Variants in ANKRD17 observed in about 807,000 individuals in gnomAD.
ANKRD17 encodes the protein ankyrin repeat domain 17, also known as ankyrin repeat domain-containing protein 17.
Under a neutral mutation model 229.7 loss-of-function variants are expected in ANKRD17, and 19 were observed. That is an observed-to-expected ratio of 0.08 (90% CI 0.06 to 0.12). ANKRD17 has a LOEUF of 0.12. Among genes scored for constraint, ANKRD17 ranks in the 10% least tolerant of loss-of-function variants. The probability of loss-of-function intolerance (pLI) is 1.00; values close to 1 mark genes in which losing one functional copy is unlikely to be tolerated. For missense variants in ANKRD17, 2,176 were observed against 3,176.8 expected, an observed-to-expected ratio of 0.68 and a Z score of 7.57; for synonymous variants, 1,112 against 1,146.1, an observed-to-expected ratio of 0.97 and a Z score of 0.60.
chr4:73,120,331 G>A lies in ANKRD17; in HGVS notation c.3856C>T (p.Leu1286Phe). The change falls in exon 21 of 34, where the codon CTC (leucine) becomes TTC (phenylalanine). Residue 1286 changes from leucine to phenylalanine, a missense_variant. Transcript: ENST00000358602. ...GAGGCAGCTTCCATTAGTGGTGTGA[G>A]ACCAGTCTAAGTTTAGTGTAAAATT... ...ANVEHRAKTG[L>F]TPLMEAASGG... is the part of the protein sequence containing the mutation. The A allele has an allele frequency of 6.2e-7, 1 of 1,613,874 alleles. No individual in the cohort carries two copies. Among genetic ancestry groups the A allele is most frequent in the Non-Finnish European group, 8.5e-7 (1 of 1,179,914 alleles).
intron 19 of ANKRD17, 28 bp from the exon 20 acceptor site, chr4:73,121,122 A>G: frequency 1.3e-6 from 2 of 1,545,144 alleles, no homozygotes; most frequent in East Asian, 2.2e-5. Flanking sequence ...GGGAAAACAA[A>G]TGGAAAAATA....
intron 1 of ANKRD17, among the ~76,000 whole-genome samples, chr4:73,203,348 A>G (rs1005818620): frequency 2.6e-5 from 4 of 152,252 alleles, no homozygotes; most frequent in African/African-American, 9.6e-5. Context: ...ATAAAGAGAA[A>G]AACAGCTGAA....
chr4:73,126,189 G>A (rs1225682367), intron 16 of ANKRD17, among the ~76,000 whole-genome samples: 5 of 152,104 alleles, frequency 3.3e-5, no homozygotes, highest in South Asian at 2.1e-4. Context: ...CTGCAGAAAG[G>A]GTACTCTGGA....
rs1354836230 is a variant in ANKRD17, at chr4:73,146,856, T to C, written c.1777A>G (p.Thr593Ala). ...AGTGCTGTATCCCCTGTTGCTGTTG[T>C]TGCATGAACGTTAGCTCCTGTAGTA... ...LLAAGANVHA[T>A]TATGDTALTY... The change falls in exon 10 of 34, where the codon ACA (threonine) becomes GCA (alanine). Residue 593 changes from threonine (T) to alanine (A), a missense_variant. Around this residue, in one of 18 missense-constraint regions of ANKRD17, gnomAD observed 275 missense variants for 386.9 expected, o/e 0.71. Coordinates refer to ENST00000358602, the MANE Select transcript of ANKRD17 (RefSeq NM_032217.5). 6.2e-7 allele frequency: 1 copy of C among 1,612,500 alleles called. No homozygotes were observed. Among genetic ancestry groups the C allele is most frequent in the African/African-American group, 1.3e-5 (1 of 75,004 alleles).
chr4:73,118,613 T>TA, intron 22 of ANKRD17, 75 bp downstream of exon 22: 1 of 1,531,252 alleles, frequency 6.5e-7, no homozygotes, highest in Non-Finnish European at 8.9e-7. Context: ...AATGAGTCTT[T>TA]AGTGATCACT....
intron 27 of ANKRD17, among the ~76,000 whole-genome samples, chr4:73,095,766 T>C (rs1286350756): frequency 6.6e-6 from 1 of 152,102 alleles, no homozygotes; most frequent in Non-Finnish European, 1.5e-5. Context: ...CATAGCTCAC[T>C]GCAGCCTCAA....
At chr4:73,222,787 C>T (rs550901458) in intron 1 of ANKRD17, among the ~76,000 whole-genome samples, 2 of 152,242 alleles carry the variant, frequency 1.3e-5, no homozygotes, top group African/African-American at 2.4e-5. Context: ...TAATTATAGA[C>T]GTCTATAGTA....
intron 1 of ANKRD17, among the ~76,000 whole-genome samples, chr4:73,233,720 T>C (rs1743266591): frequency 6.6e-6 from 1 of 152,184 alleles, no homozygotes; most frequent in African/African-American, 2.4e-5. Flanking sequence ...TTTCCCAGTA[T>C]AGAAAATGCA....
chr4:73,233,499 C>T (rs544766092), intron 1 of ANKRD17, among the ~76,000 whole-genome samples: 122 of 152,270 alleles, frequency 8.0e-4, no homozygotes, highest in African/African-American at 2.7e-3. Context: ...GACATTACTA[C>T]TTGAAGAAAT....
At chr4:73,194,528 T>C (rs544868499) in intron 1 of ANKRD17, among the ~76,000 whole-genome samples, 81 of 152,328 alleles carry the variant, frequency 5.3e-4, no homozygotes, top group Non-Finnish European at 9.7e-4. Flanking sequence ...TATAGGGCCT[T>C]TTCTATATAG....
intron 25 of ANKRD17, chr4:73,101,158 T>C: frequency 1.1e-6 from 1 of 918,056 alleles, no homozygotes; most frequent in Non-Finnish European, 1.3e-6. Context: ...TCCGTGAGGG[T>C]CCTGGAAACC....
intron 25 of ANKRD17, chr4:73,101,258 T>C: frequency 1.0e-6 from 1 of 958,780 alleles, no homozygotes; most frequent in Non-Finnish European, 1.2e-6. Context: ...ATTCCTTCAT[T>C]TGAAGAAATC....
chr4:73,140,369 T>C (rs1253256772), intron 14 of ANKRD17, 86 bp from the exon 15 acceptor site: 5 of 1,374,748 alleles, frequency 3.6e-6, no homozygotes, highest in Middle Eastern at 2.3e-4. Flanking sequence ...GTGCCAACAG[T>C]TATGCACTAA....
intron 6 of ANKRD17, among the ~76,000 whole-genome samples, chr4:73,153,400 G>A (rs1731257195): frequency 6.6e-6 from 1 of 152,028 alleles, no homozygotes; most frequent in East Asian, 1.9e-4. Flanking sequence ...CATACATGTG[G>A]AGTCTAAAAA....
chr4:73,226,581 G>T (rs1210379517), intron 1 of ANKRD17, among the ~76,000 whole-genome samples: 3 of 151,080 alleles, frequency 2.0e-5, no homozygotes, highest in African/African-American at 7.3e-5. Flanking sequence ...TTTTAGTAGA[G>T]ACGGGGTTTC....
At chr4:73,234,019 T>C (rs1370053059) in intron 1 of ANKRD17, among the ~76,000 whole-genome samples, 1 of 152,188 alleles carries the variant, frequency 6.6e-6, no homozygotes, top group Non-Finnish European at 1.5e-5. Context: ...CAGGAAATTT[T>C]CTTCAATTAT....
At chr4:73,206,340 A>T (rs555090303) in intron 1 of ANKRD17, among the ~76,000 whole-genome samples, 1 of 152,048 alleles carries the variant, frequency 6.6e-6, no homozygotes, top group South Asian at 2.1e-4. Flanking sequence ...AATAAACCGG[A>T]GTATCCATCA....
In ANKRD17 at chr4:73,258,603, C is replaced by A. The variant is rs1199992661; in HGVS notation, c.66G>T (p.Ala22=). 1 of 1,477,074 alleles carries A rather than the reference C, an allele frequency of 6.8e-7. No individual in the cohort carries two copies. The highest frequency in any genetic ancestry group is 2.8e-5 in the East Asian group (1 of 36,110). 91.5% of individuals were successfully genotyped at this position (1,477,074 alleles called of 1,614,324 possible). A position where few individuals can be genotyped will look rare whatever the true frequency, so the allele number is the denominator to read the frequency against. ...CGGGGGGGCCCGCCACAGCCGCCAC[C>A]GCCGGGGGGCTCCCTTCTCCTTCTG... is the stretch of plus-strand genomic sequence containing the variant. ...TAAEGEGSPP[A]VAAVAGPPAA... is the part of the protein sequence containing the mutation. Residue 22 remains alanine, a synonymous_variant, in exon 1 of 34, where the codon GCG becomes GCT. Transcript: ENST00000358602.
At chr4:73,125,976 G>T (rs113370925) in intron 16 of ANKRD17, among the ~76,000 whole-genome samples, 23 of 152,060 alleles carry the variant, frequency 1.5e-4, no homozygotes, top group African/African-American at 5.6e-4. Flanking sequence ...TCTTTGAAAC[G>T]ATGGTGTTTA....
Sources: gnomAD v4.1 joint callset for allele counts (sites outside exome capture counted in the v4.1 genomes callset) on GRCh38, gnomAD v4.1.1 for gene constraint, gnomAD v4.1.1 regional missense constraint, MANE v1.5 for transcripts, NCBI Gene and HGNC (gene_info 2026-07-23, HGNC 2026-07-21) for gene names.